CHD3: variants seen among roughly 807,000 people sequenced by gnomAD.
CHD3 encodes ATP-dependent chromatin remodeler CHD3.
CHD3 carries 52 observed loss-of-function variants against 248.9 expected under a neutral mutation model. The observed-to-expected ratio is 0.21, with a 90% confidence interval of 0.17 to 0.26. The LOEUF is 0.26. CHD3 is among the 10% of genes least tolerant of loss of function. The probability of loss-of-function intolerance (pLI) is 1.00; values close to 1 mark genes in which losing one functional copy is unlikely to be tolerated. For synonymous variants in CHD3, 985 were observed against 985.2 expected, an observed-to-expected ratio of 1.00 and a Z score of 0.00; for missense variants, 1,482 against 2,605.8, an observed-to-expected ratio of 0.57 and a Z score of 9.39.
In CHD3 at chr17:7,889,712, G is replaced by A. The variant is rs761069303; in HGVS notation, c.149G>A (p.Arg50Lys). ...LLPSALGVKKRKRGPKKQKEN... is the reference protein window; with the variant it reads ...LLPSALGVKKKKRGPKKQKEN... ...CCGTCAGCATTGGGTGTGAAGAAGAGAAAACGAGGACCCAAGAAGCAGAAG... is the reference window on the plus strand; with the variant it reads ...CCGTCAGCATTGGGTGTGAAGAAGAAAAAACGAGGACCCAAGAAGCAGAAG... The change falls in exon 2 of 40, where the codon AGA becomes AAA. Residue 50 changes from arginine (R) to lysine (K), a missense_variant. Around this residue, in one of 20 missense-constraint regions of CHD3, gnomAD observed 169 missense variants for 168.1 expected, o/e 1.01. Transcript: ENST00000330494. This position sits in a 1 kb window ranked among gnomAD's most constrained non-coding sequence, Gnocchi z 4.5. 2 of 1,613,632 alleles carry A rather than the reference G, an allele frequency of 1.2e-6. No individual in the cohort carries two copies. The highest frequency in any genetic ancestry group is 2.7e-5 in the African/African-American group (2 of 75,018).
Position 7,911,618 on chromosome 17 carries a change from C to T in CHD3, c.*33C>T, listed in dbSNP as rs768818007. ...CCAGGCCTGCCCTTCACCCAGGCCCCGTCCCCGAGGCCGACCCCCAGCTCA... is the reference window on the plus strand; with the variant it reads ...CCAGGCCTGCCCTTCACCCAGGCCCTGTCCCCGAGGCCGACCCCCAGCTCA... On this transcript the variant is annotated 3_prime_UTR_variant, in exon 40 of 40. Transcript: ENST00000330494. The surrounding 1 kb of genome is among the most constrained non-coding windows in gnomAD (Gnocchi z 5.4). 7.4e-6 allele frequency: 12 copies of T among 1,613,142 alleles called. No homozygotes were observed. The highest frequency in any genetic ancestry group is 3.3e-5 in the Admixed American group (2 of 59,968).
chr17:7,891,147 T>C, intron 4 of CHD3, 83 bp downstream of exon 4: 1 of 1,487,562 alleles, frequency 6.7e-7, no homozygotes, highest in Non-Finnish European at 9.3e-7. Flanking sequence ...TGATGAAAGC[T>C]ATGAAACTGC....
chr17:7,903,256 T>C lies in CHD3; in HGVS notation c.3496-16T>C. On this transcript the variant is annotated splice_polypyrimidine_tract_variant and intron_variant, in intron 22 of 39. Transcript: ENST00000330494. The surrounding 1 kb of genome is among the most constrained non-coding windows in gnomAD (Gnocchi z 6.8). The stretch of plus-strand genomic sequence containing the variant: ...CACTCCCCTGACCCACCCGCCACTT[T>C]CTCTTGCCCCTGCAGGCCTTTAGCC... 1 of 1,612,004 alleles carries C rather than the reference T, an allele frequency of 6.2e-7. No individual in the cohort carries two copies. Among genetic ancestry groups the C allele is most frequent in the Non-Finnish European group, 8.5e-7 (1 of 1,178,564 alleles).
In CHD3 at chr17:7,898,541, G is replaced by A. The variant is rs1031398847; in HGVS notation, c.2097G>A (p.Lys699=). The A allele has an allele frequency of 5.1e-6, 8 of 1,553,628 alleles. No homozygotes were observed. The highest frequency in any genetic ancestry group is 7.0e-6 in the Non-Finnish European group (8 of 1,135,894). The stretch of plus-strand genomic sequence containing the variant: ...ACCCTGCCCAGCCCCGCAAGTATAA[G>A]AAGAAGAAGAAGGAGCTACAGGGTG... ...GEDPAQPRKY[K]KKKKELQGDG... Residue 699 remains lysine, a synonymous_variant, in exon 13 of 40, where the codon AAG becomes AAA. Coordinates refer to ENST00000330494, the MANE Select transcript of CHD3 (RefSeq NM_001005273.3).
intron 20 of CHD3, 128 bp downstream of exon 20, chr17:7,901,503 AGTT>A: frequency 9.7e-5 from 27 of 279,512 alleles, no homozygotes; most frequent in East Asian, 2.0e-4. Flanking sequence ...CTCCTGTAAG[AGTT>A]TTTTTTTTTT....
Position 7,908,880 on chromosome 17 carries a change from G to T in CHD3, c.5394+51G>T. 1 of 1,611,942 alleles carries T rather than the reference G, an allele frequency of 6.2e-7. No individual in the cohort carries two copies. The highest frequency in any genetic ancestry group is 8.5e-7 in the Non-Finnish European group (1 of 1,178,550). ...GGTTATAGACGGGCTTGGGTCAGAAGTGAGACCAGATCTAGTTGGAACCTA... is the reference window on the plus strand; with the variant it reads ...GGTTATAGACGGGCTTGGGTCAGAATTGAGACCAGATCTAGTTGGAACCTA... On this transcript the variant is annotated intron_variant, in intron 36 of 39. Coordinates refer to ENST00000330494, the MANE Select transcript of CHD3 (RefSeq NM_001005273.3). This position sits in a 1 kb window ranked among gnomAD's most constrained non-coding sequence, Gnocchi z 5.8.
chr17:7,898,629 G>T, intron 13 of CHD3, 34 bp downstream of exon 13: 1 of 1,538,462 alleles, frequency 6.5e-7, no homozygotes, highest in Non-Finnish European at 8.9e-7. Flanking sequence ...CTTGTTTCTG[G>T]AGTGATGGTG....
intron 2 of CHD3, 40 bp from the exon 3 acceptor site, chr17:7,890,531 G>T: frequency 7.1e-7 from 1 of 1,400,706 alleles, no homozygotes. Context: ...TCTGGCAATG[G>T]TAGGGATGAA....
At chr17:7,885,025 C>CCCGCCGCCGCCGCCGCCGCCG (rs759738955), upstream of CHD3, 1 of 1,149,992 alleles carries the variant, frequency 8.7e-7, no homozygotes, top group Non-Finnish European at 1.1e-6. Context: ...GCCACCTCTT[C>CCCGCCGCCGCCGCCGCCGCCG]CCGCCGCCGC....
rs1323121579 is a variant in CHD3, at chr17:7,894,914, T to C, written c.1270-3T>C. 1.9e-6 allele frequency: 3 copies of C among 1,612,020 alleles called. No individual in the cohort carries two copies. The highest frequency in any genetic ancestry group is 1.1e-5 in the South Asian group (1 of 91,014). On this transcript the variant is annotated splice_polypyrimidine_tract_variant and splice_region_variant and intron_variant, in intron 8 of 39. Transcript: ENST00000330494. ...GTCTGTGTGTCTATCCTTGGCCCCC[T>C]AGGAGAAGGAGGGGGTCCAGTGGGA...
At position 7,904,958 on chromosome 17, in the gene CHD3, A is replaced by T; in HGVS notation, c.4073-142A>T. The stretch of plus-strand genomic sequence containing the variant: ...GCGGCTCCCAAGTCAGACTTTGGGC[A>T]GTGATCTGGTGTTCCCAGAAGGACC... On this transcript the variant is annotated intron_variant, in intron 25 of 39. Coordinates refer to ENST00000330494, the MANE Select transcript of CHD3 (RefSeq NM_001005273.3). The surrounding 1 kb of genome is among the most constrained non-coding windows in gnomAD (Gnocchi z 4.4). The T allele has an allele frequency of 1.3e-6, 1 of 755,612 alleles. No homozygotes were observed. Among genetic ancestry groups the T allele is most frequent in the Non-Finnish European group, 2.3e-6 (1 of 438,058 alleles). 46.8% of individuals were successfully genotyped at this position (755,612 alleles called of 1,614,324 possible).
rs1222454478 is a variant in CHD3 at position 7,909,263 on chromosome 17, C to T, written c.5515C>T (p.Leu1839=). The T allele has an allele frequency of 3.2e-6, 5 of 1,555,786 alleles. No individual in the cohort carries two copies. In the South Asian group the frequency reaches 4.7e-5, roughly 15 times the overall value. Residue 1839 remains leucine, a synonymous_variant, in exon 37 of 40, where the codon CTG becomes TTG. Coordinates refer to ENST00000330494, the MANE Select transcript of CHD3 (RefSeq NM_001005273.3). This position sits in a 1 kb window ranked among gnomAD's most constrained non-coding sequence, Gnocchi z 8.1. ...LHARFAEAEC[L]AESHQHLSKE... is the part of the protein sequence containing the mutation. Reference sequence around the variant, plus strand: ...CGCCCGCTTCGCCGAGGCCGAGTGCCTGGCCGAGAGCCACCAGCACCTCTC... The same window carrying T: ...CGCCCGCTTCGCCGAGGCCGAGTGCTTGGCCGAGAGCCACCAGCACCTCTC...
At chr17:7,884,852 G>T, upstream of CHD3, 1 of 1,143,054 alleles carries the variant, frequency 8.7e-7, no homozygotes, top group Non-Finnish European at 1.2e-6. Context: ...GGAGGAGATG[G>T]TGGTGTCGGA....
chr17:7,893,021 ATCC>A (rs1969109804), intron 4 of CHD3, among the ~76,000 whole-genome samples: 1 of 151,678 alleles, frequency 6.6e-6, no homozygotes, highest in South Asian at 2.1e-4. Flanking sequence ...GGCTCAAGCA[ATCC>A]TCCTGCTTCA....
chr17:7,901,507 T>G (rs1292796311), intron 20 of CHD3, 132 bp downstream of exon 20: 5 of 472,332 alleles, frequency 1.1e-5, no homozygotes, highest in South Asian at 7.3e-5. Context: ...TGTAAGAGTT[T>G]TTTTTTTTTT....
chr17:7,904,710 A>C lies in CHD3; in HGVS notation c.4072+91A>C. 8.2e-7 allele frequency: 1 copy of C among 1,220,690 alleles called. No individual in the cohort carries two copies. Among genetic ancestry groups the C allele is most frequent in the Non-Finnish European group, 1.1e-6 (1 of 875,832 alleles). 75.6% of individuals were successfully genotyped at this position (1,220,690 alleles called of 1,614,324 possible). A position where few individuals can be genotyped will look rare whatever the true frequency, so the allele number is the denominator to read the frequency against. ...GGAGCTATTTAGAGGGAAAGAGAGA[A>C]GCCTAGAAGTCAGAGCCTTCCTCTG... On this transcript the variant is annotated intron_variant, in intron 25 of 39. Transcript: ENST00000330494. This position sits in a 1 kb window ranked among gnomAD's most constrained non-coding sequence, Gnocchi z 4.4.
Position 7,897,901 on chromosome 17 carries a change from G to A in CHD3, c.1920-70G>A. 2.0e-6 allele frequency: 3 copies of A among 1,514,234 alleles called. No individual in the cohort carries two copies. The highest frequency in any genetic ancestry group is 2.7e-6 in the Non-Finnish European group (3 of 1,124,500). 93.8% of individuals were successfully genotyped at this position (1,514,234 alleles called of 1,614,324 possible). On this transcript the variant is annotated intron_variant, in intron 11 of 39. Coordinates refer to ENST00000330494, the MANE Select transcript of CHD3 (RefSeq NM_001005273.3). This position sits in a 1 kb window ranked among gnomAD's most constrained non-coding sequence, Gnocchi z 4.8. The stretch of plus-strand genomic sequence containing the variant: ...TGTTTGCTGATAATTGCGTTTCTCA[G>A]GCCTTCTTTCTGTTTGTGATCTGTG...
At chr17:7,898,223 A>C in intron 12 of CHD3, 121 bp downstream of exon 12, 4 of 1,212,450 alleles carry the variant, frequency 3.3e-6, no homozygotes, top group Non-Finnish European at 1.2e-6. Context: ...GGCAATGGCC[A>C]CCTGAGCTGG....
In CHD3 at chr17:7,899,040, G is replaced by T; in HGVS notation, c.2181G>T (p.Arg727=). 2.5e-6 allele frequency: 4 copies of T among 1,614,120 alleles called. No homozygotes were observed. The highest frequency in any genetic ancestry group is 1.3e-5 in the African/African-American group (1 of 75,008). ...DPTVKYETQP[R]FITATGGTLH... ...CCGTGAAATATGAGACTCAGCCACG[G>T]TTTATCACAGCCACTGGAGGCACCC... Residue 727 remains arginine (R), a synonymous_variant, in exon 14 of 40, where the codon CGG becomes CGT. Coordinates refer to ENST00000330494, the MANE Select transcript of CHD3 (RefSeq NM_001005273.3). The surrounding 1 kb of genome is among the most constrained non-coding windows in gnomAD (Gnocchi z 6.8).
Sources: gnomAD v4.1 joint callset for allele counts (sites outside exome capture counted in the v4.1 genomes callset) on GRCh38, gnomAD v4.1.1 for gene constraint, gnomAD v4.1.1 regional missense constraint, Gnocchi (gnomAD v3.1) non-coding constraint, MANE v1.5 for transcripts, NCBI Gene and HGNC (gene_info 2026-07-23, HGNC 2026-07-21) for gene names.